Variants in ESR2 observed in about 807,000 individuals in gnomAD.
The protein encoded by ESR2 is estrogen receptor beta.
ESR2 carries 36 observed loss-of-function variants against 49.6 expected under a neutral mutation model. The ratio of observed to expected loss-of-function variants is 0.73; its 90% CI spans 0.56 to 0.96. ESR2 has a LOEUF of 0.96. Ranked by LOEUF, ESR2 falls within the 40% of genes least tolerant of loss-of-function variation. The pLI, the probability that ESR2 is intolerant of heterozygous loss-of-function variation, is 0.00. For synonymous variants in ESR2, 320 were observed against 266.1 expected (o/e 1.20, Z -1.97); for missense variants, 714 against 693.0 (o/e 1.03, Z -0.34).
intron 7 of ESR2, among the ~76,000 whole-genome samples, chr14:64,246,703 C>T (rs532296681): frequency 1.5e-3 from 193 of 128,268 alleles, no homozygotes; most frequent in African/African-American, 5.8e-3. Flanking sequence ...CTGCACTCCA[C>T]TCTAGCCTGG....
chr14:64,234,845 T>TC (rs2098730912), intron 8 of ESR2, 125 bp downstream of exon 8: 2 of 1,487,526 alleles, frequency 1.3e-6, no homozygotes, highest in Non-Finnish European at 9.0e-7. Flanking sequence ...ACTGACAAAT[T>TC]CCCCATTCCC....
At position 64,241,958 on chromosome 14, in the gene ESR2, A is replaced by T. The variant is rs1390677708; in HGVS notation, c.1226-6808T>A. Among the ~76,000 whole-genome samples, 3 of 152,234 alleles carry T rather than the reference A, an allele frequency of 2.0e-5. No homozygotes were observed. The East Asian group carries it at 5.8e-4, about 29-fold the overall frequency. The stretch of plus-strand genomic sequence containing the variant: ...GAATAGAATTAAGGACAGTGGACAT[A>T]CTTGCCTTGTTCCTGATTGTGATTA... On this transcript the variant is annotated intron_variant, in intron 7 of 8. Transcript: ENST00000341099.
intron 1 of ESR2, chr14:64,303,727 A>G (rs1290844123): frequency 1.3e-5 from 2 of 152,252 alleles, no homozygotes; most frequent in African/African-American, 4.8e-5. Context: ...TGAAATATAT[A>G]GAGAGCTAAT....
At chr14:64,328,917 C>T (rs2077421354) in intron 1 of ESR2, among the ~76,000 whole-genome samples, 1 of 152,010 alleles carries the variant, frequency 6.6e-6, no homozygotes, top group Non-Finnish European at 1.5e-5. Flanking sequence ...ATATTAGTTG[C>T]AGATATTTTA....
chr14:64,308,776 T>A (rs960208031), intron 1 of ESR2, among the ~76,000 whole-genome samples: 2 of 152,038 alleles, frequency 1.3e-5, no homozygotes, highest in Non-Finnish European at 2.9e-5. Flanking sequence ...TTTGAACAGA[T>A]GTAAATTTAT....
intron 4 of ESR2, among the ~76,000 whole-genome samples, chr14:64,264,701 T>A (rs1441801325): frequency 6.6e-6 from 1 of 151,902 alleles, no homozygotes; most frequent in African/African-American, 2.4e-5. Context: ...TGAAATCCTG[T>A]CTCTACAAAA....
intron 3 of ESR2, among the ~76,000 whole-genome samples, chr14:64,272,094 A>G (rs1028309892): frequency 6.6e-6 from 1 of 152,132 alleles, no homozygotes; most frequent in African/African-American, 2.4e-5. Flanking sequence ...GATATAAGCT[A>G]CTTTGGGGTA....
chr14:64,330,381 A>G (rs2077441364), intron 1 of ESR2: 1 of 151,780 alleles, frequency 6.6e-6, no homozygotes, highest in Non-Finnish European at 1.5e-5. Flanking sequence ...GTGAGCTGAG[A>G]TCGCACCACT....
chr14:64,336,983 A>T (rs540134033), intron 1 of ESR2, among the ~76,000 whole-genome samples: 1 of 152,304 alleles, frequency 6.6e-6, no homozygotes, highest in South Asian at 2.1e-4. Context: ...CTAAAACTAT[A>T]TATTTCTTTA....
intron 1 of ESR2, among the ~76,000 whole-genome samples, chr14:64,327,540 A>G (rs905463688): frequency 7.9e-5 from 12 of 151,488 alleles, no homozygotes; most frequent in African/African-American, 2.9e-4. Context: ...TACTAAAACT[A>G]CAAAAATTAG....
intron 4 of ESR2, among the ~76,000 whole-genome samples, chr14:64,265,274 C>G (rs1201024681): frequency 2.0e-5 from 3 of 152,108 alleles, no homozygotes; most frequent in Non-Finnish European, 4.4e-5. Context: ...TGATGATGAT[C>G]GTAGTGATAA....
At chr14:64,294,943 C>T (rs2076935381), upstream of ESR2, among the ~76,000 whole-genome samples, 1 of 152,212 alleles carries the variant, frequency 6.6e-6, no homozygotes, top group Non-Finnish European at 1.5e-5. Flanking sequence ...GAAGTGGCAC[C>T]GGGGAGACCT....
At position 64,304,042 on chromosome 14, in the gene ESR2, G is replaced by C. The variant is rs139153489; in HGVS notation, c.-90-20967C>G. The stretch of plus-strand genomic sequence containing the variant: ...TATTAGTTGGTTTTGGCCGGGCATG[G>C]TGGCTCACGCCTGTAATCCCAGCAC... On this transcript the variant is annotated intron_variant, in intron 1 of 8. Transcript: ENST00000358599. Among the ~76,000 whole-genome samples, 8 of 152,362 alleles carry C rather than the reference G, an allele frequency of 5.3e-5. No homozygotes were observed. In the East Asian group the frequency reaches 1.5e-3, roughly 29 times the overall value.
At position 64,309,607 on chromosome 14, in the gene ESR2, C is replaced by CAAAAAA. The variant is rs545143689; in HGVS notation, c.-90-26538_-90-26533dup. Among the ~76,000 whole-genome samples the CAAAAAA allele has an allele frequency of 7.1e-4, 89 of 125,886 alleles. 7 individuals are homozygous for CAAAAAA. Among genetic ancestry groups the CAAAAAA allele is most frequent in the East Asian group, 5.6e-3 (26 of 4,624 alleles). 82.6% of individuals were successfully genotyped at this position (125,886 alleles called of 152,430 possible). ...GGGCAACAAGAGTGAAACTCCATCT[C>CAAAAAA]AAAAAAAAAAATAGAGAATCTTGCG... On this transcript the variant is annotated intron_variant, in intron 1 of 8. Coordinates refer to the ESR2 transcript ENST00000358599.
Position 64,268,980 on chromosome 14 carries a change from C to G in ESR2, c.536-69G>C, listed in dbSNP as rs2076386511. On this transcript the variant is annotated intron_variant, in intron 3 of 8. Transcript: ENST00000341099. ...CTTAGTTAAATCTCTTCCTGGTCAACAACACTGATAACACTTTCCAGCTGA... is the reference window on the plus strand; with the variant it reads ...CTTAGTTAAATCTCTTCCTGGTCAAGAACACTGATAACACTTTCCAGCTGA... 3.3e-6 allele frequency: 3 copies of G among 905,866 alleles called. No individual in the cohort carries two copies. The African/African-American group carries it at 4.9e-5, about 15-fold the overall frequency. The allele number at this position is 905,866 out of a possible 1,614,324, so 56.1% of individuals were successfully genotyped here.
chr14:64,298,330 A>T (rs1399869301), upstream of ESR2: 2 of 152,282 alleles, frequency 1.3e-5, no homozygotes, highest in South Asian at 4.1e-4. Flanking sequence ...GCTAACATTT[A>T]TTTTATAAAG....
At chr14:64,315,810 A>G (rs765983964) in intron 1 of ESR2, among the ~76,000 whole-genome samples, 1 of 151,986 alleles carries the variant, frequency 6.6e-6, no homozygotes, top group Non-Finnish European at 1.5e-5. Context: ...GCGTGCCACC[A>G]CGCCCAGCTA....
intron 1 of ESR2, among the ~76,000 whole-genome samples, chr14:64,309,088 T>C (rs1010340436): frequency 2.0e-5 from 3 of 152,178 alleles, no homozygotes; most frequent in African/African-American, 7.2e-5. Context: ...TATGACACAG[T>C]GCTTAATGTG....
At chr14:64,263,255 C>G (rs1221709953) in intron 4 of ESR2, among the ~76,000 whole-genome samples, 1 of 152,112 alleles carries the variant, frequency 6.6e-6, no homozygotes, top group African/African-American at 2.4e-5. Context: ...TGACATTACT[C>G]TATTGATACC....
Sources: allele counts gnomAD v4.1 joint callset (sites outside exome capture counted in the v4.1 genomes callset), GRCh38; gene constraint gnomAD v4.1.1; transcripts MANE v1.5; gene names NCBI Gene and HGNC (gene_info 2026-07-23, HGNC 2026-07-21).